SYN3: variants seen among roughly 807,000 people sequenced by gnomAD.
The protein encoded by SYN3 is synapsin-3.
A neutral mutation model predicts 65.8 loss-of-function variants in SYN3; 35 were observed. The ratio of observed to expected loss-of-function variants is 0.53; its 90% CI spans 0.41 to 0.70. The LOEUF (loss-of-function observed/expected upper bound fraction) is 0.70. Among genes scored for constraint, SYN3 ranks in the 30% least tolerant of loss-of-function variants. The pLI is 0.00. For synonymous variants in SYN3, 270 were observed against 292.9 expected, an observed-to-expected ratio of 0.92 and a Z score of 0.80; for missense variants, 680 against 749.0, an observed-to-expected ratio of 0.91 and a Z score of 1.08.
intron 7 of SYN3, among the ~76,000 whole-genome samples, chr22:32,585,931 CGT>C (rs2059019591): frequency 7.3e-5 from 5 of 68,110 alleles, no homozygotes; most frequent in African/African-American, 2.1e-4. Context: ...TGTGTATATA[CGT>C]ATATGTGTAT....
At chr22:32,733,239 C>T (rs539833622) in intron 6 of SYN3, among the ~76,000 whole-genome samples, 8 of 152,238 alleles carry the variant, frequency 5.3e-5, no homozygotes, top group Admixed American at 1.3e-4. Flanking sequence ...GCATCAGCAT[C>T]GACAGAACTT....
At chr22:32,541,971 C>T (rs2058263307) in intron 7 of SYN3, among the ~76,000 whole-genome samples, 1 of 151,984 alleles carries the variant, frequency 6.6e-6, no homozygotes, top group Non-Finnish European at 1.5e-5. Context: ...GAAGGATGAA[C>T]ATGTTTCAGA....
intron 6 of SYN3, among the ~76,000 whole-genome samples, chr22:32,665,622 G>A (rs1348664576): frequency 2.0e-5 from 3 of 151,946 alleles, no homozygotes; most frequent in South Asian, 2.1e-4. Context: ...TTAATCACGC[G>A]CTCTTCTGTC....
At chr22:32,705,370 C>G (rs1301209013) in intron 6 of SYN3, among the ~76,000 whole-genome samples, 1 of 152,002 alleles carries the variant, frequency 6.6e-6, no homozygotes, top group Non-Finnish European at 1.5e-5. Context: ...GTTATAGGTG[C>G]ATGACTTTAT....
intron 4 of SYN3, among the ~76,000 whole-genome samples, chr22:32,896,393 C>T (rs1447442635): frequency 1.3e-5 from 2 of 152,132 alleles, no homozygotes; most frequent in African/African-American, 4.8e-5. Context: ...GTGGCAGAGG[C>T]TGCAGTGAGT....
intron 6 of SYN3, among the ~76,000 whole-genome samples, chr22:32,710,099 A>ATATC: frequency 1.5e-5 from 1 of 65,630 alleles, no homozygotes; most frequent in Non-Finnish European, 2.4e-5. Context: ...ACACACACAC[A>ATATC]TGTGTGTGTG....
intron 6 of SYN3, among the ~76,000 whole-genome samples, chr22:32,709,454 C>A (rs910812771): frequency 1.2e-4 from 18 of 152,182 alleles, no homozygotes; most frequent in African/African-American, 4.3e-4. Flanking sequence ...CAAACCTCTG[C>A]GTGTCCTAAA....
chr22:33,023,547 T>A (rs133965), intron 1 of SYN3, among the ~76,000 whole-genome samples: 67,355 of 151,904 alleles, frequency 0.44, 15,196 homozygotes, highest in Middle Eastern at 0.53. Flanking sequence ...ATACACAGTC[T>A]CCACAAAAAA....
intron 6 of SYN3, among the ~76,000 whole-genome samples, chr22:32,856,271 G>A (rs1327499033): frequency 7.2e-6 from 1 of 139,504 alleles, no homozygotes; most frequent in African/African-American, 2.8e-5. Flanking sequence ...GTGCTGGGAT[G>A]TCAGACATGT....
At chr22:32,798,927 G>A (rs1369680015) in intron 6 of SYN3, among the ~76,000 whole-genome samples, 4 of 151,910 alleles carry the variant, frequency 2.6e-5, no homozygotes, top group Non-Finnish European at 4.4e-5. Context: ...TCCTGACCTC[G>A]TGATCCGCCC....
chr22:32,750,560 G>A (rs969627453), intron 6 of SYN3, among the ~76,000 whole-genome samples: 2 of 152,162 alleles, frequency 1.3e-5, no homozygotes, highest in Admixed American at 6.5e-5. Context: ...TAGACTCTTT[G>A]TGGGATGGGG....
intron 6 of SYN3, among the ~76,000 whole-genome samples, chr22:32,831,564 T>A (rs1450565408): frequency 6.6e-6 from 1 of 152,222 alleles, no homozygotes; most frequent in Admixed American, 6.5e-5. Context: ...GAAGCATTTT[T>A]ATTACCAAGG....
At chr22:32,587,334 T>A (rs1886132901) in intron 7 of SYN3, among the ~76,000 whole-genome samples, 1 of 148,866 alleles carries the variant, frequency 6.7e-6, no homozygotes, top group South Asian at 2.1e-4. Context: ...GAGGTGGGAT[T>A]GAGAGGGAGG....
chr22:32,631,829 G>A (rs546725191), intron 6 of SYN3, among the ~76,000 whole-genome samples: 1 of 152,278 alleles, frequency 6.6e-6, no homozygotes, highest in Non-Finnish European at 1.5e-5. Context: ...AAGCGGTGAT[G>A]TATTATTTGA....
chr22:32,573,764 G>A (rs11704839), intron 7 of SYN3, among the ~76,000 whole-genome samples: 5 of 108,496 alleles, frequency 4.6e-5, no homozygotes, highest in Admixed American at 3.8e-4. Flanking sequence ...GAAGGAAGGG[G>A]TTTTTTTTTT....
intron 3 of SYN3, among the ~76,000 whole-genome samples, chr22:32,977,304 C>A (rs1277728445): frequency 1.3e-5 from 2 of 152,148 alleles, no homozygotes; most frequent in Non-Finnish European, 2.9e-5. Context: ...AGATTTTGTA[C>A]TGACAAGTTG....
At chr22:33,003,576 T>A (rs765056812) in intron 2 of SYN3, among the ~76,000 whole-genome samples, 1 of 152,178 alleles carries the variant, frequency 6.6e-6, no homozygotes, top group Non-Finnish European at 1.5e-5. Flanking sequence ...TCTGTGGAAC[T>A]TTGAACTTGA....
intron 6 of SYN3, among the ~76,000 whole-genome samples, chr22:32,803,243 C>T (rs562094622): frequency 1.3e-5 from 2 of 151,976 alleles, no homozygotes; most frequent in Admixed American, 6.5e-5. Context: ...AAGAATGGAG[C>T]GTGTGTGTTT....
At chr22:32,549,455 G>T (rs1343494957) in intron 7 of SYN3, among the ~76,000 whole-genome samples, 1 of 152,034 alleles carries the variant, frequency 6.6e-6, no homozygotes, top group Non-Finnish European at 1.5e-5. Context: ...ATCTCACCAT[G>T]TTGCCCAGGC....
Sources: allele counts gnomAD v4.1 joint callset (sites outside exome capture counted in the v4.1 genomes callset), GRCh38; gene constraint gnomAD v4.1.1; transcripts MANE v1.5; gene names NCBI Gene and HGNC (gene_info 2026-07-23, HGNC 2026-07-21).